PTPRZ1: variants seen among roughly 807,000 people sequenced by gnomAD.
PTPRZ1 encodes receptor-type tyrosine-protein phosphatase zeta.
Under a neutral mutation model 214.1 loss-of-function variants are expected in PTPRZ1, and 82 were observed. The ratio of observed to expected loss-of-function variants is 0.38; its 90% CI spans 0.32 to 0.46. The LOEUF is 0.46. Ranked by LOEUF, PTPRZ1 falls within the 20% of genes least tolerant of loss-of-function variation. The probability of loss-of-function intolerance (pLI) is 1.00; values close to 1 mark genes in which losing one functional copy is unlikely to be tolerated. For synonymous variants in PTPRZ1, 945 were observed against 987.9 expected (o/e 0.96, Z 0.81); for missense variants, 2,603 against 2,748.7 (o/e 0.95, Z 1.19).
chr7:121,934,402 C>T (rs1408552113), intron 2 of PTPRZ1, among the ~76,000 whole-genome samples: 1 of 140,912 alleles, frequency 7.1e-6, no homozygotes, highest in Non-Finnish European at 1.5e-5. Flanking sequence ...GACTAGGCTG[C>T]TTAAGAGCTC....
intron 2 of PTPRZ1, among the ~76,000 whole-genome samples, chr7:121,929,200 TA>T (rs1265807151): frequency 6.6e-6 from 1 of 152,142 alleles, no homozygotes; most frequent in Non-Finnish European, 1.5e-5. Context: ...AATAGCCACT[TA>T]AAAAACTGCT....
intron 1 of PTPRZ1, among the ~76,000 whole-genome samples, chr7:121,919,848 T>A (rs1456692920): frequency 1.0e-5 from 1 of 96,266 alleles, no homozygotes; most frequent in African/African-American, 5.8e-5. Flanking sequence ...TAACCAAGCC[T>A]TTATTAATTC....
At position 122,012,165 on chromosome 7, in the gene PTPRZ1, C is replaced by T. The variant is rs550529081; in HGVS notation, c.3119C>T (p.Ala1040Val). 8.7e-6 allele frequency: 14 copies of T among 1,613,604 alleles called. 1 individual carries two copies. The Middle Eastern group carries it at 4.9e-4, about 57-fold the overall frequency. The stretch of plus-strand genomic sequence containing the variant: ...TCTGTGTTTGGTGATGATAATAAGG[C>T]GCTTTCTAAAAGTGAAATAATATAT... ...TTSVFGDDNK[A>V]LSKSEIIYGN... is the part of the protein sequence containing the mutation. The change falls in exon 12 of 30, where the codon GCG becomes GTG. Residue 1040 changes from alanine to valine, a missense_variant. Transcript: ENST00000393386.
intron 9 of PTPRZ1, 61 bp downstream of exon 9, chr7:121,996,627 A>G: frequency 7.8e-7 from 1 of 1,286,928 alleles, no homozygotes; most frequent in Non-Finnish European, 1.0e-6. Flanking sequence ...CCAAGGTAAG[A>G]ACTTACAAAT....
chr7:121,992,581 G>T (rs1798002318), intron 8 of PTPRZ1, among the ~76,000 whole-genome samples: 1 of 152,036 alleles, frequency 6.6e-6, no homozygotes. Flanking sequence ...AAAAGAATTT[G>T]GCCTAAATGG....
At chr7:121,970,181 T>C (rs1266572515) in intron 3 of PTPRZ1, among the ~76,000 whole-genome samples, 1 of 152,150 alleles carries the variant, frequency 6.6e-6, no homozygotes, top group Admixed American at 6.5e-5. Flanking sequence ...TGTGCCACAT[T>C]TTCTTAATCC....
At chr7:121,972,345 G>C (rs893573863) in intron 3 of PTPRZ1, among the ~76,000 whole-genome samples, 196 bp from the exon 4 acceptor site, 12 of 152,118 alleles carry the variant, frequency 7.9e-5, no homozygotes, top group African/African-American at 2.9e-4. Flanking sequence ...CTTCAGCTTA[G>C]TTTGCATTTG....
intron 2 of PTPRZ1, among the ~76,000 whole-genome samples, chr7:121,935,049 A>G (rs889503298): frequency 2.0e-5 from 3 of 152,248 alleles, no homozygotes; most frequent in Admixed American, 1.3e-4. Flanking sequence ...CCGTGTATCC[A>G]TATTTCACAA....
At position 122,012,427 on chromosome 7, in the gene PTPRZ1, T is replaced by C. The variant is rs778190096; in HGVS notation, c.3381T>C (p.Pro1127=). The change falls in exon 12 of 30, where the codon CCT becomes CCC. Residue 1127 remains proline (P), a synonymous_variant. Coordinates refer to ENST00000393386, the MANE Select transcript of PTPRZ1 (RefSeq NM_002851.3). ...QVPENNFSVQ[P]THTVSQASGD... ...CAGAAAATAACTTTTCAGTTCAACCTACACATACTGTCTCTCAAGCATCTG... is the reference window on the plus strand; with the variant it reads ...CAGAAAATAACTTTTCAGTTCAACCCACACATACTGTCTCTCAAGCATCTG... The C allele has an allele frequency of 7.4e-6, 12 of 1,613,744 alleles. No individual in the cohort carries two copies. In the Admixed American group the frequency reaches 2.0e-4, roughly 27 times the overall value.
Position 122,012,936 on chromosome 7 carries a change from A to G in PTPRZ1, c.3890A>G (p.Asn1297Ser), listed in dbSNP as rs779898524. 5 of 1,614,034 alleles carry G rather than the reference A, an allele frequency of 3.1e-6. No individual in the cohort carries two copies. The highest frequency in any genetic ancestry group is 1.7e-4 in the Middle Eastern group (1 of 6,060). The change falls in exon 12 of 30, where the codon AAT becomes AGT. Residue 1297 changes from asparagine (N) to serine (S), a missense_variant. Around this residue, in one of 6 missense-constraint regions of PTPRZ1, gnomAD observed 1,913 missense variants for 1,914.3 expected, o/e 1.00. Transcript: ENST00000393386. ...AATGATGAGTTGTTCCAAACGGCCA[A>G]TTTGGAGATTAACCAGGCCCATCCC... Reference protein sequence around the residue: ...YSNDELFQTANLEINQAHPPK... With the variant: ...YSNDELFQTASLEINQAHPPK...
chr7:121,928,410 A>G (rs1415654249), intron 2 of PTPRZ1, among the ~76,000 whole-genome samples, 189 bp downstream of exon 2: 1 of 152,180 alleles, frequency 6.6e-6, no homozygotes, highest in African/African-American at 2.4e-5. Flanking sequence ...CAAATTTGGT[A>G]ATGTAGGGCT....
At position 122,010,966 on chromosome 7, in the gene PTPRZ1, A is replaced by G; in HGVS notation, c.1920A>G (p.Glu640=). ...ASEDSTSSGS[E]ESLKDPSMEG... is the part of the protein sequence containing the mutation. ...AAGATTCAACTTCATCAGGTTCAGA[A>G]GAATCACTAAAGGATCCTTCTATGG... Residue 640 remains glutamate, a synonymous_variant, in exon 12 of 30, where the codon GAA becomes GAG. Transcript: ENST00000393386. The G allele has an allele frequency of 6.2e-7, 1 of 1,614,190 alleles. No homozygotes were observed. Among genetic ancestry groups the G allele is most frequent in the Non-Finnish European group, 8.5e-7 (1 of 1,180,020 alleles).
intron 1 of PTPRZ1, among the ~76,000 whole-genome samples, chr7:121,887,133 A>AT (rs927288417): frequency 1.3e-5 from 2 of 151,996 alleles, no homozygotes; most frequent in African/African-American, 4.8e-5. Context: ...CAGCACTCAC[A>AT]TTGCGTGTCT....
At chr7:122,020,318 G>C (rs1408913369) in intron 13 of PTPRZ1, among the ~76,000 whole-genome samples, 1 of 152,166 alleles carries the variant, frequency 6.6e-6, no homozygotes, top group African/African-American at 2.4e-5. Flanking sequence ...GGAAGAATTT[G>C]TTATAAAAAT....
intron 4 of PTPRZ1, among the ~76,000 whole-genome samples, chr7:121,973,940 GAAAAAAAAAAA>G (rs371692415): frequency 8.1e-5 from 7 of 86,218 alleles, no homozygotes; most frequent in Non-Finnish European, 1.1e-4. Context: ...TCTCAAAAAA[GAAAAAAAAAAA>G]AAAAAAAAAA....
At chr7:121,890,780 CT>C (rs1184314081) in intron 1 of PTPRZ1, among the ~76,000 whole-genome samples, 20 of 152,214 alleles carry the variant, frequency 1.3e-4, no homozygotes, top group Admixed American at 9.2e-4. Context: ...AGCAATCCTC[CT>C]ACCTCGGCCT....
chr7:122,028,341 C>G (rs1239570013), intron 13 of PTPRZ1: 8 of 418,582 alleles, frequency 1.9e-5, no homozygotes, highest in Non-Finnish European at 3.4e-5. Flanking sequence ...ACTTGCTCTT[C>G]TGCATCTGCT....
chr7:121,874,335 T>A (rs766162936), intron 1 of PTPRZ1, among the ~76,000 whole-genome samples: 1 of 152,208 alleles, frequency 6.6e-6, no homozygotes, highest in Non-Finnish European at 1.5e-5. Context: ...TCCCTTTACC[T>A]GCGATGCAGA....
At chr7:122,044,907 A>C (rs1212580664) in intron 23 of PTPRZ1, among the ~76,000 whole-genome samples, 1 of 152,084 alleles carries the variant, frequency 6.6e-6, no homozygotes, top group East Asian at 1.9e-4. Flanking sequence ...GAAAAAAAAA[A>C]ACAGACCACT....
Sources: allele counts gnomAD v4.1 joint callset (sites outside exome capture counted in the v4.1 genomes callset), GRCh38; gene constraint gnomAD v4.1.1; regional missense constraint gnomAD v4.1.1; transcripts MANE v1.5; gene names NCBI Gene and HGNC (gene_info 2026-07-23, HGNC 2026-07-21).